FER: variants seen among roughly 807,000 people sequenced by gnomAD.
FER encodes FER tyrosine kinase, also known as tyrosine-protein kinase Fer.
FER carries 63 observed loss-of-function variants against 111.0 expected under a neutral mutation model. That is an observed-to-expected ratio of 0.57 (90% CI 0.46 to 0.70). The LOEUF (loss-of-function observed/expected upper bound fraction) is 0.70, where lower values mean the gene tolerates loss of function less well. Ranked by LOEUF, FER falls within the 30% of genes least tolerant of loss-of-function variation. The pLI, the probability that FER is intolerant of heterozygous loss-of-function variation, is 0.00. For missense variants in FER, 914 were observed against 954.0 expected, an observed-to-expected ratio of 0.96 and a Z score of 0.55; for synonymous variants, 327 against 313.9, an observed-to-expected ratio of 1.04 and a Z score of -0.44.
chr5:109,117,455 G>T (rs1230717535), intron 17 of FER, among the ~76,000 whole-genome samples: 1 of 152,036 alleles, frequency 6.6e-6, no homozygotes, highest in Non-Finnish European at 1.5e-5. Context: ...TCATTCTTAT[G>T]TAAAATAAGG....
At chr5:109,161,646 G>T (rs944914390) in intron 17 of FER, among the ~76,000 whole-genome samples, 1 of 152,074 alleles carries the variant, frequency 6.6e-6, no homozygotes, top group African/African-American at 2.4e-5. Flanking sequence ...TACCATTAAT[G>T]GGCATTTAGG....
intron 16 of FER, among the ~76,000 whole-genome samples, chr5:109,050,330 C>T (rs1170856525): frequency 6.6e-6 from 1 of 151,870 alleles, no homozygotes; most frequent in Non-Finnish European, 1.5e-5. Flanking sequence ...ATAATGTAAA[C>T]ACCGTATTGG....
intron 10 of FER, among the ~76,000 whole-genome samples, chr5:108,916,722 T>A (rs1043048617): frequency 6.6e-6 from 1 of 152,142 alleles, no homozygotes; most frequent in South Asian, 2.1e-4. Context: ...TGTGTTATTA[T>A]AAAAGAAAAT....
intron 4 of FER, among the ~76,000 whole-genome samples, chr5:108,833,369 T>A (rs759851153): frequency 3.3e-5 from 5 of 152,196 alleles, no homozygotes; most frequent in Non-Finnish European, 7.3e-5. Context: ...TCTGAATGAC[T>A]TTTTTCAAAT....
At chr5:109,095,231 G>A (rs916855316) in intron 16 of FER, among the ~76,000 whole-genome samples, 3 of 151,978 alleles carry the variant, frequency 2.0e-5, no homozygotes, top group African/African-American at 7.2e-5. Context: ...CTGTTACTTG[G>A]GTAGCAAGCT....
At chr5:108,967,416 A>G (rs1263382261) in intron 13 of FER, among the ~76,000 whole-genome samples, 9 of 152,118 alleles carry the variant, frequency 5.9e-5, no homozygotes. Context: ...GTGAGTATGC[A>G]GAAAAGGTTA....
intron 10 of FER, among the ~76,000 whole-genome samples, chr5:108,943,580 C>T (rs781477365): frequency 1.3e-4 from 19 of 151,960 alleles, no homozygotes; most frequent in African/African-American, 3.9e-4. Context: ...TGCTTTAGTG[C>T]GCAGGGAATG....
At chr5:108,855,489 T>C (rs1463608960) in intron 5 of FER, among the ~76,000 whole-genome samples, 2 of 146,582 alleles carry the variant, frequency 1.4e-5, no homozygotes, top group African/African-American at 2.6e-5. Context: ...GGCGCGGTGG[T>C]GGGCGCCTGT....
chr5:109,159,229 A>G (rs545257612), intron 17 of FER, among the ~76,000 whole-genome samples: 22 of 152,300 alleles, frequency 1.4e-4, no homozygotes, highest in African/African-American at 5.1e-4. Flanking sequence ...TGTTATTTTC[A>G]ACTTTTAAAA....
intron 16 of FER, among the ~76,000 whole-genome samples, chr5:109,077,636 C>T (rs1239842641): frequency 6.6e-6 from 1 of 152,158 alleles, no homozygotes; most frequent in Non-Finnish European, 1.5e-5. Context: ...AGAACATGTA[C>T]TTGAGACCAT....
At chr5:108,757,249 T>A (rs568760308) in intron 1 of FER, among the ~76,000 whole-genome samples, 1 of 152,320 alleles carries the variant, frequency 6.6e-6, no homozygotes, top group South Asian at 2.1e-4. Context: ...TTCCTCTCAT[T>A]AGAAGCAAGA....
chr5:109,032,494 C>G (rs538207633), intron 13 of FER, among the ~76,000 whole-genome samples: 49 of 152,170 alleles, frequency 3.2e-4, no homozygotes, highest in Admixed American at 2.2e-3. Flanking sequence ...CATTTGAATC[C>G]TTGTCTCAGG....
intron 10 of FER, among the ~76,000 whole-genome samples, chr5:108,924,223 G>A (rs1361248744): frequency 2.0e-5 from 3 of 151,836 alleles, no homozygotes; most frequent in African/African-American, 7.3e-5. Context: ...AGCCAGGCAC[G>A]GTGGTGGGCA....
At chr5:108,796,770 G>T (rs1756073996) in intron 2 of FER, among the ~76,000 whole-genome samples, 1 of 152,036 alleles carries the variant, frequency 6.6e-6, no homozygotes. Flanking sequence ...CTGCAGGGCA[G>T]TGGGCTCCTC....
intron 2 of FER, among the ~76,000 whole-genome samples, chr5:108,771,888 A>T (rs1752935982): frequency 6.6e-6 from 1 of 152,218 alleles, no homozygotes; most frequent in Non-Finnish European, 1.5e-5. Context: ...AACATTAAGA[A>T]TGTATTTGTC....
intron 12 of FER, among the ~76,000 whole-genome samples, chr5:108,956,362 T>A (rs866161119): frequency 7.9e-5 from 12 of 151,838 alleles, no homozygotes; most frequent in Middle Eastern, 3.4e-3. Context: ...TTTTATTTTC[T>A]AAGCTCTAAA....
At chr5:108,880,175 A>C (rs1765544440) in intron 8 of FER, among the ~76,000 whole-genome samples, 1 of 152,148 alleles carries the variant, frequency 6.6e-6, no homozygotes. Flanking sequence ...TGTTTAAATG[A>C]ATGATTGAAG....
At chr5:109,069,096 T>G (rs1168324291) in intron 16 of FER, among the ~76,000 whole-genome samples, 1 of 152,114 alleles carries the variant, frequency 6.6e-6, no homozygotes, top group Admixed American at 6.5e-5. Context: ...TATTAATGTG[T>G]AGATCAGTAA....
chr5:109,168,727 TA>T (rs1756802520), intron 17 of FER, among the ~76,000 whole-genome samples: 1 of 152,212 alleles, frequency 6.6e-6, no homozygotes, highest in Admixed American at 6.5e-5. Flanking sequence ...CACAGAATTT[TA>T]AAATCCTATG....
Sources: allele counts gnomAD v4.1 joint callset (sites outside exome capture counted in the v4.1 genomes callset), GRCh38; gene constraint gnomAD v4.1.1; transcripts MANE v1.5; gene names NCBI Gene and HGNC (gene_info 2026-07-23, HGNC 2026-07-21).